CIB1: variants seen among roughly 807,000 people sequenced by gnomAD.
The protein encoded by CIB1 is calcium and integrin-binding protein 1.
CIB1 carries 19 observed loss-of-function variants against 25.0 expected under a neutral mutation model. That is an observed-to-expected ratio of 0.76 (90% CI 0.53 to 1.12). CIB1 has a LOEUF of 1.12. CIB1 is among the 50% of genes most tolerant of loss of function. The pLI is 0.00. For synonymous variants in CIB1, 104 were observed against 98.5 expected, an observed-to-expected ratio of 1.06 and a Z score of -0.33; for missense variants, 236 against 242.6, an observed-to-expected ratio of 0.97 and a Z score of 0.18.
the CIB1 span, among the ~76,000 whole-genome samples, chr15:90,259,869 T>C: frequency 1.3e-5 from 2 of 152,248 alleles, no homozygotes; most frequent in Admixed American, 6.5e-5. Context: ...GATACTAAAA[T>C]TGTAATTTGT....
chr15:90,233,222 T>G (rs1311309414), intron 2 of CIB1, among the ~76,000 whole-genome samples: 2 of 152,230 alleles, frequency 1.3e-5, no homozygotes, highest in African/African-American at 2.4e-5. Flanking sequence ...AAGATTAAAT[T>G]AGGTAACGCA....
chr15:90,244,966 C>A, the CIB1 span: 7 of 152,256 alleles, frequency 4.6e-5, no homozygotes, highest in Admixed American at 6.5e-5. Context: ...GTTCTGGCTG[C>A]TGTCTGAGTG....
At chr15:90,233,587 C>T in intron 2 of CIB1, 82 bp downstream of exon 2, 3 of 1,513,202 alleles carry the variant, frequency 2.0e-6, no homozygotes, top group East Asian at 2.5e-5. Flanking sequence ...AGGCCAGCCC[C>T]CGCCCCTCCC....
chr15:90,260,850 CAAAA>C, the CIB1 span, among the ~76,000 whole-genome samples: 3 of 60,210 alleles, frequency 5.0e-5, no homozygotes, highest in South Asian at 5.4e-4. Flanking sequence ...GACTCTGTCT[CAAAA>C]AAAAAAAAAA....
the CIB1 span, chr15:90,265,671 T>G: frequency 6.2e-7 from 1 of 1,608,516 alleles, no homozygotes; most frequent in Non-Finnish European, 8.5e-7. Flanking sequence ...CTACTTCCGC[T>G]GCTGTTTCGT....
intron 2 of CIB1, among the ~76,000 whole-genome samples, chr15:90,232,694 G>C (rs977364624): frequency 6.6e-6 from 1 of 152,178 alleles, no homozygotes; most frequent in African/African-American, 2.4e-5. Context: ...AGCTTTGGAG[G>C]TCAGGCGTCT....
the CIB1 span, chr15:90,251,480 G>A: frequency 7.1e-7 from 1 of 1,415,004 alleles, no homozygotes; most frequent in East Asian, 2.3e-5. Context: ...TTGTGAATTT[G>A]TTGGATGTCT....
the CIB1 span, among the ~76,000 whole-genome samples, chr15:90,252,041 T>A: frequency 6.4e-5 from 9 of 140,472 alleles, no homozygotes; most frequent in African/African-American, 2.4e-4. Context: ...GCTCACCTAA[T>A]TCTTTTTTTT....
chr15:90,233,961 G>A (rs1962573973), upstream of CIB1: 4 of 1,406,458 alleles, frequency 2.8e-6, no homozygotes, highest in South Asian at 4.5e-5. Context: ...CTTGGGCCGC[G>A]TCACTGCCCG....
chr15:90,232,059 T>C (rs1443395406), intron 3 of CIB1, among the ~76,000 whole-genome samples, 160 bp downstream of exon 3: 1 of 152,202 alleles, frequency 6.6e-6, no homozygotes, highest in Non-Finnish European at 1.5e-5. Flanking sequence ...CCAGGTGATT[T>C]TGGTAAAGTC....
the CIB1 span, among the ~76,000 whole-genome samples, chr15:90,256,569 CTTT>C: frequency 0.041 from 1,358 of 33,300 alleles, 35 homozygotes; most frequent in Non-Finnish European, 0.042. Context: ...TTCTTTCTTT[CTTT>C]CTTTCTTTCT....
At chr15:90,262,376 G>A in the CIB1 span, 9 of 1,214,556 alleles carry the variant, frequency 7.4e-6, no homozygotes, top group African/African-American at 3.1e-5. Context: ...CATTGCTCTC[G>A]CATCAGTCCT....
the CIB1 span, among the ~76,000 whole-genome samples, chr15:90,256,617 C>T: frequency 1.3e-3 from 74 of 57,710 alleles, 1 homozygote; most frequent in East Asian, 6.8e-3. Flanking sequence ...TTCCTTCCTT[C>T]CTTCCTTCCT....
At chr15:90,250,506 A>T in the CIB1 span, 2 of 1,247,454 alleles carry the variant, frequency 1.6e-6, no homozygotes, top group Non-Finnish European at 2.2e-6. Context: ...AGGGGCAGCA[A>T]CTTTCCCTTA....
At position 90,230,962 on chromosome 15, in the gene CIB1, C is replaced by T. The variant is rs778944136; in HGVS notation, c.526G>A (p.Val176Ile). 1.3e-5 allele frequency: 21 copies of T among 1,614,026 alleles called. No homozygotes were observed. Among genetic ancestry groups the T allele is most frequent in the East Asian group, 2.2e-5 (1 of 44,900 alleles). The change falls in exon 6 of 7, where the codon GTC becomes ATC. Residue 176 changes from valine (V) to isoleucine (I), a missense_variant. Coordinates refer to ENST00000328649, the MANE Select transcript of CIB1 (RefSeq NM_006384.4). ...GCAAAGTCTGGAGAACGGGAGATGA[C>T]GTGCTGGAACTCAGAGAGGTTGATG... ...GTINLSEFQH[V>I]ISRSPDFASS... is the part of the protein sequence containing the mutation.
At chr15:90,264,962 A>T in the CIB1 span, 4 of 1,534,310 alleles carry the variant, frequency 2.6e-6, no homozygotes, top group Non-Finnish European at 3.5e-6. Flanking sequence ...CAATCAGTTC[A>T]GGTAAAAGCA....
Position 90,231,010 on chromosome 15 carries a change from A to G in CIB1, c.478T>C (p.Ser160Pro). 6.2e-7 allele frequency: 1 copy of G among 1,613,794 alleles called. No homozygotes were observed. Among genetic ancestry groups the G allele is most frequent in the Non-Finnish European group, 8.5e-7 (1 of 1,179,902 alleles). ...KQLIDNILEE[S>P]DIDRDGTINL... ...ATGGTTCCATCCCTGTCAATGTCAG[A>G]CTCCTCCAGGATCTGGGAAAGGGAG... is the stretch of plus-strand genomic sequence containing the variant. Residue 160 changes from serine (S) to proline (P), a missense_variant, in exon 6 of 7, where the codon TCT (serine) becomes CCT (proline). Ser to Pro is a moderately conservative substitution (Grantham distance 74, BLOSUM62 -1). Transcript: ENST00000328649.
In CIB1 at chr15:90,232,591, T is replaced by A. The variant is rs562936301; in HGVS notation, c.87-264A>T. On this transcript the variant is annotated intron_variant, in intron 2 of 6. Transcript: ENST00000328649. ...AGAGATCCCCAAGGGATGAAGAAGT[T>A]GGGAAAGGAGCCAGAAGTTGGCCCT... 1.5e-4 allele frequency: 71 copies of A among 464,658 alleles called. No individual in the cohort carries two copies. The South Asian group carries it at 3.9e-3, about 26-fold the overall frequency. The allele number at this position is 464,658 out of a possible 1,614,324, so 28.8% of individuals were successfully genotyped here.
At chr15:90,261,553 G>A in the CIB1 span, among the ~76,000 whole-genome samples, 3 of 152,112 alleles carry the variant, frequency 2.0e-5, no homozygotes, top group African/African-American at 4.8e-5. Context: ...AGCACTTTGG[G>A]AGGCCGAGGT....
Sources: gnomAD v4.1 joint callset for allele counts (sites outside exome capture counted in the v4.1 genomes callset) on GRCh38, gnomAD v4.1.1 for gene constraint, MANE v1.5 for transcripts, NCBI Gene and HGNC (gene_info 2026-07-23, HGNC 2026-07-21) for gene names.